CLEC16A: variants seen among roughly 807,000 people sequenced by gnomAD.
The protein encoded by CLEC16A is protein CLEC16A.
In CLEC16A, 51 loss-of-function variants were observed where a neutral mutation model predicts 109.5. The ratio of observed to expected loss-of-function variants is 0.47; its 90% CI spans 0.37 to 0.59. The LOEUF (loss-of-function observed/expected upper bound fraction) is 0.59, where lower values mean the gene tolerates loss of function less well. CLEC16A is among the 20% of genes least tolerant of loss of function. CLEC16A has a pLI of 0.00. For missense variants in CLEC16A, 1,339 were observed against 1,394.0 expected (o/e 0.96, Z 0.63); for synonymous variants, 673 against 564.2 (o/e 1.19, Z -2.73).
chr16:10,990,654 C>G (rs11865808), intron 10 of CLEC16A, among the ~76,000 whole-genome samples: 2,057 of 152,310 alleles, frequency 0.014, 31 homozygotes, highest in African/African-American at 0.046. Flanking sequence ...AGCCTTGTGA[C>G]TTAGACCCTA....
intron 19 of CLEC16A, among the ~76,000 whole-genome samples, chr16:11,107,788 T>C (rs2051312805): frequency 6.6e-6 from 1 of 152,234 alleles, no homozygotes; most frequent in Non-Finnish European, 1.5e-5. Context: ...GAAACGTGAT[T>C]TGTTTATGCC....
At chr16:11,144,460 C>T (rs988124909) in intron 22 of CLEC16A, among the ~76,000 whole-genome samples, 1 of 152,070 alleles carries the variant, frequency 6.6e-6, no homozygotes, top group Non-Finnish European at 1.5e-5. Context: ...CAACTGGAAC[C>T]TCACAATGGC....
At chr16:11,153,474 A>G (rs570434081) in intron 22 of CLEC16A, among the ~76,000 whole-genome samples, 16 of 151,964 alleles carry the variant, frequency 1.1e-4, no homozygotes, top group African/African-American at 3.9e-4. Flanking sequence ...ATTTTAACAT[A>G]AATGTTGTGC....
intron 20 of CLEC16A, 32 bp downstream of exon 20, chr16:11,120,798 T>C (rs12925474): frequency 6.8e-7 from 1 of 1,466,732 alleles, no homozygotes. Flanking sequence ...GGATCTGTTC[T>C]CAGTTGGCTA....
intron 22 of CLEC16A, among the ~76,000 whole-genome samples, chr16:11,158,884 C>T (rs916475255): frequency 1.3e-5 from 2 of 148,628 alleles, no homozygotes; most frequent in African/African-American, 5.0e-5. Context: ...CATGCCACTG[C>T]ACTCTAGCCT....
At chr16:11,146,819 C>G (rs1051948783) in intron 22 of CLEC16A, among the ~76,000 whole-genome samples, 1 of 152,060 alleles carries the variant, frequency 6.6e-6, no homozygotes, top group Non-Finnish European at 1.5e-5. Context: ...CTTTAATCCC[C>G]CCTTCTGTGT....
At chr16:11,157,005 A>C in intron 22 of CLEC16A, 1 of 1,232,854 alleles carries the variant, frequency 8.1e-7, no homozygotes. Context: ...GACAGCAAAA[A>C]CATTTCTAAG....
rs554247485 is a variant in CLEC16A at position 10,954,898 on chromosome 16, C to T, written c.81-2884C>T. Among the ~76,000 whole-genome samples, 1 of 152,304 alleles carries T rather than the reference C, an allele frequency of 6.6e-6. No individual in the cohort carries two copies. The highest frequency in any genetic ancestry group is 6.5e-5 in the Admixed American group (1 of 15,298). On this transcript the variant is annotated intron_variant, in intron 1 of 23. Transcript: ENST00000409790. The surrounding 1 kb of genome is among the most constrained non-coding windows in gnomAD (Gnocchi z 4.2). ...GATAATGTAGTAATAATGTGAATAACGGCCCCCACCACAATGACCATAATC... is the reference window on the plus strand; with the variant it reads ...GATAATGTAGTAATAATGTGAATAATGGCCCCCACCACAATGACCATAATC...
At chr16:11,097,185 C>A (rs1328091990) in intron 19 of CLEC16A, among the ~76,000 whole-genome samples, 1 of 152,208 alleles carries the variant, frequency 6.6e-6, no homozygotes, top group African/African-American at 2.4e-5. Context: ...ACATGCCCAG[C>A]TGAAAGACTT....
intron 22 of CLEC16A, chr16:11,156,672 A>G (rs2054535715): frequency 7.7e-7 from 1 of 1,304,064 alleles, no homozygotes; most frequent in African/African-American, 1.5e-5. Flanking sequence ...TTGCTTGCTA[A>G]TTTACAGACG....
At chr16:10,973,333 T>C (rs1567525103) in intron 7 of CLEC16A, among the ~76,000 whole-genome samples, 1 of 152,170 alleles carries the variant, frequency 6.6e-6, no homozygotes, top group African/African-American at 2.4e-5. Context: ...GTCAAGGGGC[T>C]CTGTCAGCTG....
chr16:11,029,150 T>G (rs2046594071), intron 13 of CLEC16A, among the ~76,000 whole-genome samples: 1 of 152,190 alleles, frequency 6.6e-6, no homozygotes, highest in Admixed American at 6.5e-5. Flanking sequence ...TTTTAAGCTC[T>G]GTGAGAGCTG....
At chr16:11,007,326 T>C (rs1340073992) in intron 11 of CLEC16A, among the ~76,000 whole-genome samples, 1 of 152,162 alleles carries the variant, frequency 6.6e-6, no homozygotes, top group Non-Finnish European at 1.5e-5. Context: ...TTCTTTTTCT[T>C]TTGGAAGTCT....
At chr16:11,160,634 A>G (rs949874773) in intron 22 of CLEC16A, among the ~76,000 whole-genome samples, 1 of 152,162 alleles carries the variant, frequency 6.6e-6, no homozygotes. Context: ...CTTAACTCAC[A>G]TCCCCGCATT....
chr16:11,026,137 T>C (rs895711238), intron 13 of CLEC16A, among the ~76,000 whole-genome samples: 1 of 152,242 alleles, frequency 6.6e-6, no homozygotes, highest in Non-Finnish European at 1.5e-5. Context: ...TGTAGTCTTC[T>C]TGTAATTCTC....
rs1323553258 is a variant in CLEC16A at position 11,060,804 on chromosome 16, T to A, written c.1996-98T>A. On this transcript the variant is annotated intron_variant, in intron 18 of 23. Coordinates refer to ENST00000409790, the MANE Select transcript of CLEC16A (RefSeq NM_015226.3). ...TGGGCTTTATTGCGTTTCTTTCTTT[T>A]TTAATAGAGAGTCATGGTGTCATTT... 27 of 1,269,636 alleles carry A rather than the reference T, an allele frequency of 2.1e-5. No individual in the cohort carries two copies. In the Admixed American group the frequency reaches 7.5e-4, roughly 35 times the overall value. The allele number at this position is 1,269,636 out of a possible 1,614,324, so 78.6% of individuals were successfully genotyped here. A position where few individuals can be genotyped will look rare whatever the true frequency, so the allele number is the denominator to read the frequency against.
At chr16:11,113,698 T>G (rs905378682) in intron 19 of CLEC16A, among the ~76,000 whole-genome samples, 2 of 152,174 alleles carry the variant, frequency 1.3e-5, no homozygotes, top group African/African-American at 4.8e-5. Flanking sequence ...TAAAATCACC[T>G]TGGAGCTTCT....
intron 1 of CLEC16A, among the ~76,000 whole-genome samples, chr16:10,952,094 A>G (rs1422313295): frequency 6.6e-6 from 1 of 152,138 alleles, no homozygotes; most frequent in Non-Finnish European, 1.5e-5. Context: ...ATAGATTGCA[A>G]CTCCAGCAGC....
intron 11 of CLEC16A, among the ~76,000 whole-genome samples, chr16:11,014,355 A>G (rs1161676941): frequency 6.6e-6 from 1 of 152,184 alleles, no homozygotes; most frequent in Non-Finnish European, 1.5e-5. Flanking sequence ...ATGCCTGGGC[A>G]TTTAGGTAGT....
Sources: gnomAD v4.1 joint callset for allele counts (sites outside exome capture counted in the v4.1 genomes callset) on GRCh38, gnomAD v4.1.1 for gene constraint, Gnocchi (gnomAD v3.1) non-coding constraint, MANE v1.5 for transcripts, NCBI Gene and HGNC (gene_info 2026-07-23, HGNC 2026-07-21) for gene names.